The following ZFAND3 variants were observed in gnomAD, a reference collection of about 807,000 sequenced individuals.
ZFAND3 encodes the protein AN1-type zinc finger protein 3.
A neutral mutation model predicts 29.6 loss-of-function variants in ZFAND3; 10 were observed. That is an observed-to-expected ratio of 0.34 (90% CI 0.21 to 0.57). The LOEUF is 0.57. ZFAND3 is among the 20% of genes least tolerant of loss of function. ZFAND3 has a pLI of 0.86. For missense variants in ZFAND3, 230 were observed against 304.5 expected, an observed-to-expected ratio of 0.76 and a Z score of 1.82; for synonymous variants, 128 against 112.6, an observed-to-expected ratio of 1.14 and a Z score of -0.87.
intron 2 of ZFAND3, among the ~76,000 whole-genome samples, chr6:38,031,101 A>G (rs866007951): frequency 6.6e-6 from 1 of 152,220 alleles, no homozygotes. Context: ...TTACGTAGCC[A>G]AGATAGGACC....
At chr6:37,850,917 C>T (rs1413279608) in intron 1 of ZFAND3, among the ~76,000 whole-genome samples, 1 of 151,546 alleles carries the variant, frequency 6.6e-6, no homozygotes. Flanking sequence ...TCTTTATACC[C>T]ACTCTGTTTC....
At chr6:37,899,046 C>A (rs571105670) in intron 1 of ZFAND3, among the ~76,000 whole-genome samples, 1 of 152,284 alleles carries the variant, frequency 6.6e-6, no homozygotes, top group East Asian at 1.9e-4. Context: ...CAGGCGCCCG[C>A]CACCACGCCT....
At chr6:38,148,949 C>T (rs1049777109) in intron 5 of ZFAND3, among the ~76,000 whole-genome samples, 14 of 152,192 alleles carry the variant, frequency 9.2e-5, no homozygotes, top group Admixed American at 9.2e-4. Context: ...AGTTAGCCCT[C>T]CAGAGTTTCC....
At chr6:37,985,051 T>C (rs753295925) in intron 2 of ZFAND3, among the ~76,000 whole-genome samples, 5 of 152,242 alleles carry the variant, frequency 3.3e-5, no homozygotes, top group African/African-American at 4.8e-5. Context: ...TTTTAGTTTC[T>C]CTCAGTCTTT....
At chr6:38,007,340 G>A (rs938708089) in intron 2 of ZFAND3, among the ~76,000 whole-genome samples, 3 of 152,048 alleles carry the variant, frequency 2.0e-5, no homozygotes, top group South Asian at 2.1e-4. Context: ...CAGGAGGATC[G>A]CTTGAGCTCA....
intron 2 of ZFAND3, among the ~76,000 whole-genome samples, chr6:38,001,777 C>T (rs760523565): frequency 7.2e-5 from 11 of 152,114 alleles, no homozygotes; most frequent in Non-Finnish European, 1.2e-4. Context: ...CCATAGCTTC[C>T]GGCAAGCTCT....
Position 38,020,987 on chromosome 6 carries a change from A to G in ZFAND3, c.113-40606A>G, listed in dbSNP as rs555455659. 7.7e-4 allele frequency among the ~76,000 whole-genome samples: 118 copies of G among 152,364 alleles called. No homozygotes were observed. The Middle Eastern group carries it at 0.01, about 13-fold the overall frequency. ...TTCTGTCATCAGCTGGGTCAAATTT[A>G]TTAGTGTTTTATACTTATATGAACA... On this transcript the variant is annotated intron_variant, in intron 2 of 5. Coordinates refer to ENST00000287218, the MANE Select transcript of ZFAND3 (RefSeq NM_021943.3).
At chr6:37,904,376 A>G (rs1765372199) in intron 1 of ZFAND3, among the ~76,000 whole-genome samples, 1 of 152,210 alleles carries the variant, frequency 6.6e-6, no homozygotes, top group African/African-American at 2.4e-5. Flanking sequence ...TAAATTTAAC[A>G]TGATGCATTT....
chr6:37,964,322 G>A (rs1364498461), intron 2 of ZFAND3, among the ~76,000 whole-genome samples: 1 of 152,172 alleles, frequency 6.6e-6, no homozygotes, highest in South Asian at 2.1e-4. Context: ...GATTCATAAG[G>A]TAGCCAGTCT....
At chr6:37,866,720 T>C (rs561402362) in intron 1 of ZFAND3, among the ~76,000 whole-genome samples, 1 of 152,112 alleles carries the variant, frequency 6.6e-6, no homozygotes, top group South Asian at 2.1e-4. Context: ...TAGTGTATTA[T>C]CCAGTGACCT....
chr6:38,018,151 C>A lies in ZFAND3; in HGVS notation c.113-43442C>A, dbSNP rs188348988. The stretch of plus-strand genomic sequence containing the variant: ...TCAGGTAATATCACCTGTAACCTGA[C>A]TCCTATTTTTATAAAATGGTCATTA... On this transcript the variant is annotated intron_variant, in intron 2 of 5. Transcript: ENST00000287218. Among the ~76,000 whole-genome samples the A allele has an allele frequency of 1.4e-3, 209 of 152,240 alleles. 3 individuals carry two copies. Among genetic ancestry groups the A allele is most frequent in the Non-Finnish European group, 1.7e-3 (119 of 68,008 alleles).
At chr6:38,116,065 T>G (rs1765410962) in intron 4 of ZFAND3, among the ~76,000 whole-genome samples, 1 of 152,224 alleles carries the variant, frequency 6.6e-6, no homozygotes, top group African/African-American at 2.4e-5. Context: ...TATAAAAGAT[T>G]ACAGATCACT....
intron 2 of ZFAND3, among the ~76,000 whole-genome samples, chr6:37,999,848 G>C (rs1296886923): frequency 6.6e-6 from 1 of 152,012 alleles, no homozygotes; most frequent in African/African-American, 2.4e-5. Context: ...TAGTTAATAG[G>C]GTGTCAATAT....
chr6:37,825,179 A>G (rs574246173), intron 1 of ZFAND3, among the ~76,000 whole-genome samples: 2 of 152,264 alleles, frequency 1.3e-5, no homozygotes, highest in South Asian at 2.1e-4. Flanking sequence ...CAGTCTCCCA[A>G]TTGTAACATG....
intron 2 of ZFAND3, among the ~76,000 whole-genome samples, chr6:37,998,553 A>C (rs1762891828): frequency 6.6e-6 from 1 of 152,108 alleles, no homozygotes; most frequent in African/African-American, 2.4e-5. Flanking sequence ...AGGGGGAGAG[A>C]AAAAAATGCT....
intron 1 of ZFAND3, among the ~76,000 whole-genome samples, chr6:37,856,850 T>C (rs1375214215): frequency 6.6e-6 from 1 of 152,150 alleles, no homozygotes; most frequent in Non-Finnish European, 1.5e-5. Context: ...TGAAAGTTTA[T>C]TACAAATGAA....
intron 1 of ZFAND3, among the ~76,000 whole-genome samples, chr6:37,901,766 A>T (rs1765323038): frequency 6.6e-6 from 1 of 152,234 alleles, no homozygotes. Context: ...TTTGATACTC[A>T]CTTCCATGTT....
chr6:37,843,044 C>G (rs1764107722), intron 1 of ZFAND3, among the ~76,000 whole-genome samples: 2 of 151,742 alleles, frequency 1.3e-5, no homozygotes, highest in South Asian at 4.2e-4. Context: ...ATTGCTTGAA[C>G]CCAGGAGGCG....
At chr6:38,026,421 ATTTTTT>A (rs10715149) in intron 2 of ZFAND3, among the ~76,000 whole-genome samples, 34 of 74,866 alleles carry the variant, frequency 4.5e-4, no homozygotes, top group Middle Eastern at 0.011. Context: ...TTACTTTAGG[ATTTTTT>A]TTTTTTTTTT....
Sources: allele counts gnomAD v4.1 joint callset (sites outside exome capture counted in the v4.1 genomes callset), GRCh38; gene constraint gnomAD v4.1.1; transcripts MANE v1.5; gene names NCBI Gene and HGNC (gene_info 2026-07-23, HGNC 2026-07-21).